The following TPH2 variants were observed in gnomAD, a reference collection of about 807,000 sequenced individuals.
TPH2 encodes tryptophan 5-hydroxylase 2.
TPH2 carries 27 observed loss-of-function variants against 59.1 expected under a neutral mutation model. That is an observed-to-expected ratio of 0.46 (90% confidence interval 0.34 to 0.63). The LOEUF (loss-of-function observed/expected upper bound fraction) is 0.63. Ranked by LOEUF, TPH2 falls within the 30% of genes least tolerant of loss-of-function variation. The probability of loss-of-function intolerance (pLI) is 0.01; values close to 1 mark genes in which losing one functional copy is unlikely to be tolerated. For synonymous variants in TPH2, 220 were observed against 210.5 expected (o/e 1.05, Z -0.39); for missense variants, 523 against 588.3 (o/e 0.89, Z 1.15).
intron 9 of TPH2, among the ~76,000 whole-genome samples, chr12:72,023,573 T>C (rs1010713780): frequency 2.6e-5 from 4 of 152,080 alleles, no homozygotes; most frequent in African/African-American, 9.7e-5. Flanking sequence ...CTCATGCTTG[T>C]AGTCCCAGCA....
chr12:71,977,976 T>C (rs1872166944), intron 6 of TPH2, among the ~76,000 whole-genome samples: 1 of 152,184 alleles, frequency 6.6e-6, no homozygotes, highest in Non-Finnish European at 1.5e-5. Context: ...ACCTTTTCTA[T>C]GGTTAGATAT....
At chr12:71,973,387 C>T in intron 6 of TPH2, among the ~76,000 whole-genome samples, 1 of 152,296 alleles carries the variant, frequency 6.6e-6, no homozygotes, top group East Asian at 1.9e-4. Context: ...CATTCTCACT[C>T]CTCGTTATAC....
chr12:72,019,628 T>C (rs1313630357), intron 8 of TPH2, among the ~76,000 whole-genome samples: 1 of 152,240 alleles, frequency 6.6e-6, no homozygotes, highest in Non-Finnish European at 1.5e-5. Context: ...ATACATAGAA[T>C]GTATTCCACC....
At chr12:71,999,776 G>C (rs1258670664) in intron 8 of TPH2, among the ~76,000 whole-genome samples, 1 of 152,200 alleles carries the variant, frequency 6.6e-6, no homozygotes, top group Non-Finnish European at 1.5e-5. Flanking sequence ...AGTGATGTCT[G>C]CAAAAAGCTG....
At chr12:71,985,247 C>T (rs1247174122) in intron 7 of TPH2, among the ~76,000 whole-genome samples, 5 of 152,310 alleles carry the variant, frequency 3.3e-5, no homozygotes, top group African/African-American at 9.6e-5. Flanking sequence ...AATGCCAGCA[C>T]CTGTGGCCTT....
intron 8 of TPH2, among the ~76,000 whole-genome samples, chr12:72,006,451 T>A (rs1317173439): frequency 6.6e-6 from 1 of 151,974 alleles, no homozygotes; most frequent in East Asian, 1.9e-4. Context: ...CAAGGGAGGA[T>A]TCTGGCTGAA....
At chr12:71,972,456 T>G in intron 5 of TPH2, 63 bp from the exon 6 acceptor site, 13 of 1,535,116 alleles carry the variant, frequency 8.5e-6, no homozygotes, top group Non-Finnish European at 1.2e-5. Context: ...GGTATTGAGG[T>G]GAGAAAATAC....
intron 7 of TPH2, among the ~76,000 whole-genome samples, chr12:71,981,864 C>T (rs147800638): frequency 4.0e-4 from 60 of 151,750 alleles, no homozygotes; most frequent in Admixed American, 1.2e-3. Flanking sequence ...TGTAAAGCAC[C>T]CACAATAGAT....
chr12:71,941,870 G>A, intron 2 of TPH2, 137 bp downstream of exon 2: 7 of 972,922 alleles, frequency 7.2e-6, no homozygotes, highest in Non-Finnish European at 1.1e-5. Context: ...ACTTCGTGAG[G>A]CTTTAAAAGG....
intron 5 of TPH2, among the ~76,000 whole-genome samples, chr12:71,955,787 A>G (rs1286105048): frequency 1.3e-5 from 2 of 152,040 alleles, no homozygotes; most frequent in African/African-American, 4.8e-5. Flanking sequence ...TCATTTTATT[A>G]CCCTTTGGTT....
intron 7 of TPH2, among the ~76,000 whole-genome samples, chr12:71,983,620 T>C (rs1399743884): frequency 6.6e-6 from 1 of 152,124 alleles, no homozygotes; most frequent in South Asian, 2.1e-4. Context: ...GTCCACCTCA[T>C]CTTTTAGAAC....
At chr12:71,961,580 C>T (rs756946280) in intron 5 of TPH2, 48 of 1,351,936 alleles carry the variant, frequency 3.6e-5, no homozygotes, top group Middle Eastern at 2.1e-4. Flanking sequence ...CTGCTATTGG[C>T]GACTGGGAAT....
intron 9 of TPH2, among the ~76,000 whole-genome samples, chr12:72,027,523 C>A (rs563940082): frequency 6.6e-6 from 1 of 152,262 alleles, no homozygotes; most frequent in Non-Finnish European, 1.5e-5. Context: ...CCCAAGGACA[C>A]GTAGTTAGGT....
At chr12:72,025,833 C>T (rs562330741) in intron 9 of TPH2, among the ~76,000 whole-genome samples, 2 of 152,304 alleles carry the variant, frequency 1.3e-5, no homozygotes, top group East Asian at 3.9e-4. Context: ...TTTCCTTTCA[C>T]ACTTTTTCTC....
At chr12:72,007,447 A>G (rs1290826806) in intron 8 of TPH2, among the ~76,000 whole-genome samples, 1 of 152,180 alleles carries the variant, frequency 6.6e-6, no homozygotes, top group Non-Finnish European at 1.5e-5. Flanking sequence ...TGGGGTTTCA[A>G]ATCTTGGCTG....
intron 5 of TPH2, among the ~76,000 whole-genome samples, chr12:71,957,759 TA>T (rs1871552686): frequency 6.6e-6 from 1 of 152,194 alleles, no homozygotes; most frequent in African/African-American, 2.4e-5. Context: ...CAGCTTCACA[TA>T]AATCATGCAC....
At chr12:71,949,003 A>G (rs144015883) in intron 4 of TPH2, among the ~76,000 whole-genome samples, 8 of 152,330 alleles carry the variant, frequency 5.3e-5, no homozygotes, top group Non-Finnish European at 1.2e-4. Context: ...AAGAAGTCAG[A>G]GTGAAATGGT....
chr12:71,938,965 A>G lies in TPH2; in HGVS notation c.-22A>G. The G allele has an allele frequency of 6.2e-7, 1 of 1,603,390 alleles. No homozygotes were observed. The highest frequency in any genetic ancestry group is 8.5e-7 in the Non-Finnish European group (1 of 1,170,410). On this transcript the variant is annotated 5_prime_UTR_variant, in exon 1 of 11. Coordinates refer to ENST00000333850, the MANE Select transcript of TPH2 (RefSeq NM_173353.4). ...CCCTCTAGTACCCCCTGCTGCAGAG[A>G]AAGAATATTACACCGGGATCCATGC...
chr12:71,973,360 T>C (rs945675546), intron 6 of TPH2, among the ~76,000 whole-genome samples: 2 of 152,224 alleles, frequency 1.3e-5, no homozygotes, highest in African/African-American at 4.8e-5. Flanking sequence ...AAGATGACGA[T>C]GAGAGTGACC....
Sources: allele counts gnomAD v4.1 joint callset (sites outside exome capture counted in the v4.1 genomes callset), GRCh38; gene constraint gnomAD v4.1.1; transcripts MANE v1.5; gene names NCBI Gene and HGNC (gene_info 2026-07-23, HGNC 2026-07-21).